ROBO2: variants seen among roughly 807,000 people sequenced by gnomAD.
ROBO2 encodes roundabout guidance receptor 2.
Under a neutral mutation model 160.8 loss-of-function variants are expected in ROBO2, and 53 were observed. The ratio of observed to expected loss-of-function variants is 0.33; its 90% confidence interval spans 0.26 to 0.41. The LOEUF is 0.41. Among genes scored for constraint, ROBO2 ranks in the 10% least tolerant of loss-of-function variants. The pLI is 1.00. For missense variants in ROBO2, 1,577 were observed against 1,722.4 expected, an observed-to-expected ratio of 0.92 and a Z score of 1.49; for synonymous variants, 664 against 611.7, an observed-to-expected ratio of 1.09 and a Z score of -1.26.
chr3:76,683,809 A>G (rs2107001506), intron 2 of ROBO2, among the ~76,000 whole-genome samples: 1 of 152,272 alleles, frequency 6.6e-6, no homozygotes, highest in Admixed American at 6.5e-5. Flanking sequence ...AAGTTATAAA[A>G]CAACAACCAA....
At chr3:77,143,032 C>T (rs1051746507) in intron 2 of ROBO2, among the ~76,000 whole-genome samples, 1 of 152,022 alleles carries the variant, frequency 6.6e-6, no homozygotes. Context: ...TAATTGAAAG[C>T]CCAGCAAATC....
chr3:77,516,938 A>T (rs2090081683), intron 5 of ROBO2, among the ~76,000 whole-genome samples: 1 of 151,650 alleles, frequency 6.6e-6, no homozygotes, highest in Non-Finnish European at 1.5e-5. Flanking sequence ...TTCAATAAGC[A>T]TTCATTGAAC....
Position 77,248,276 on chromosome 3 carries a change from T to A in ROBO2, c.388+149936T>A, listed in dbSNP as rs1451101173. On this transcript the variant is annotated intron_variant, in intron 2 of 25. Transcript: ENST00000461745. ...CCCTGCATTTACCATCTCCAGTTAG[T>A]TCATGCAACCTCATTCCTTCTGGAT... 2.6e-5 allele frequency among the ~76,000 whole-genome samples: 4 copies of A among 152,158 alleles called. No homozygotes were observed. In the East Asian group the frequency reaches 7.7e-4, roughly 29 times the overall value.
chr3:77,523,554 A>G (rs1460781048), intron 6 of ROBO2, among the ~76,000 whole-genome samples: 1 of 151,368 alleles, frequency 6.6e-6, no homozygotes, highest in East Asian at 1.9e-4. Flanking sequence ...ACTCCCTGGA[A>G]TTGCTTATAA....
At position 77,533,648 on chromosome 3, in the gene ROBO2, G is replaced by T. The variant is rs141242695; in HGVS notation, c.934+10746G>T. 1.8e-4 allele frequency among the ~76,000 whole-genome samples: 27 copies of T among 152,234 alleles called. No individual in the cohort carries two copies. In the East Asian group the frequency reaches 2.9e-3, roughly 16 times the overall value. On this transcript the variant is annotated intron_variant, in intron 6 of 25. Coordinates refer to ENST00000461745, the Ensembl canonical transcript of ROBO2. The stretch of plus-strand genomic sequence containing the variant: ...ACCACAACCTTCATAGCCAGCGGGG[G>T]CACCCTGAATTCCTCATGTGCTTTG...
At chr3:76,335,445 G>GT (rs1343199899) in intron 2 of ROBO2, among the ~76,000 whole-genome samples, 1 of 151,950 alleles carries the variant, frequency 6.6e-6, no homozygotes, top group African/African-American at 2.4e-5. Context: ...GCCTCCCAAA[G>GT]TGCTGGGATT....
At chr3:77,322,319 T>C (rs752155427) in intron 2 of ROBO2, among the ~76,000 whole-genome samples, 12 of 152,146 alleles carry the variant, frequency 7.9e-5, no homozygotes, top group Admixed American at 3.3e-4. Flanking sequence ...AAAAAATCTA[T>C]AATGAAGAGG....
chr3:77,486,298 T>C (rs905097968), intron 4 of ROBO2, among the ~76,000 whole-genome samples: 4 of 151,952 alleles, frequency 2.6e-5, no homozygotes, highest in Non-Finnish European at 5.9e-5. Context: ...TACCCCGTAA[T>C]AGTAATGGTA....
chr3:75,958,833 T>G (rs1559784204), intron 2 of ROBO2, among the ~76,000 whole-genome samples: 2 of 151,802 alleles, frequency 1.3e-5, no homozygotes, highest in African/African-American at 4.8e-5. Context: ...TGTTCTCAAA[T>G]TATCTCTAAC....
intron 2 of ROBO2, among the ~76,000 whole-genome samples, chr3:76,458,983 A>G (rs777014405): frequency 3.9e-5 from 6 of 152,302 alleles, no homozygotes; most frequent in Middle Eastern, 3.4e-3. Flanking sequence ...GCTTCTTCAA[A>G]TAGGGCTGGT....
At chr3:76,048,280 T>C (rs1259044242) in intron 2 of ROBO2, among the ~76,000 whole-genome samples, 1 of 152,156 alleles carries the variant, frequency 6.6e-6, no homozygotes, top group Non-Finnish European at 1.5e-5. Flanking sequence ...TATCTTCTGC[T>C]AGTGATAGAG....
intron 2 of ROBO2, among the ~76,000 whole-genome samples, chr3:76,205,027 T>C (rs143866138): frequency 1.1e-3 from 167 of 152,290 alleles, no homozygotes; most frequent in African/African-American, 3.8e-3. Context: ...GAGACGAAGT[T>C]ACCCTTAGGT....
chr3:76,938,892 A>T (rs1457637056), intron 2 of ROBO2, among the ~76,000 whole-genome samples: 1 of 148,514 alleles, frequency 6.7e-6, no homozygotes, highest in Non-Finnish European at 1.5e-5. Context: ...AATCGCTTAA[A>T]CCCAAGAGGT....
chr3:75,915,774 A>G (rs1946786914), intron 1 of ROBO2, among the ~76,000 whole-genome samples: 1 of 152,134 alleles, frequency 6.6e-6, no homozygotes, highest in Non-Finnish European at 1.5e-5. Context: ...TAGGGGAGAT[A>G]ATAAAACTGA....
intron 2 of ROBO2, among the ~76,000 whole-genome samples, chr3:76,904,694 A>C (rs1460504358): frequency 6.6e-6 from 1 of 152,124 alleles, no homozygotes; most frequent in Non-Finnish European, 1.5e-5. Flanking sequence ...CTAAGGAGAC[A>C]TCTTAGTTTG....
chr3:76,084,131 G>A (rs1312638628), intron 2 of ROBO2, among the ~76,000 whole-genome samples: 1 of 152,110 alleles, frequency 6.6e-6, no homozygotes, highest in Non-Finnish European at 1.5e-5. Flanking sequence ...ATGAGAAACA[G>A]CTGCTGCCAT....
At chr3:76,617,579 G>A (rs2088694623) in intron 2 of ROBO2, among the ~76,000 whole-genome samples, 1 of 152,088 alleles carries the variant, frequency 6.6e-6, no homozygotes, top group Non-Finnish European at 1.5e-5. Context: ...ATTTGGCAAT[G>A]GAAAAGGATA....
intron 2 of ROBO2, among the ~76,000 whole-genome samples, chr3:76,764,899 A>T (rs1425377275): frequency 1.3e-5 from 2 of 151,552 alleles, no homozygotes; most frequent in East Asian, 2.0e-4. Flanking sequence ...GCAAGTTTTA[A>T]TTTTTTTTAA....
At chr3:77,571,856 T>C (rs545587490) in intron 13 of ROBO2, among the ~76,000 whole-genome samples, 3 of 151,866 alleles carry the variant, frequency 2.0e-5, no homozygotes, top group African/African-American at 4.8e-5. Context: ...AAAGTAAATG[T>C]TCAGTGTTTT....
Sources: allele counts gnomAD v4.1 joint callset (sites outside exome capture counted in the v4.1 genomes callset), GRCh38; gene constraint gnomAD v4.1.1; transcripts MANE v1.5; gene names NCBI Gene and HGNC (gene_info 2026-07-23, HGNC 2026-07-21).